WWOX: variants seen among roughly 807,000 people sequenced by gnomAD.
WWOX encodes WW domain containing oxidoreductase.
Under a neutral mutation model 46.2 loss-of-function variants are expected in WWOX, and 69 were observed. That is an observed-to-expected ratio of 1.49 (90% CI 1.23 to 1.82). The LOEUF is 1.82. WWOX is among the 40% of genes most tolerant of loss of function. The pLI, the probability that WWOX is intolerant of heterozygous loss-of-function variation, is 0.00. For synonymous variants in WWOX, 359 were observed against 202.6 expected (o/e 1.77, Z -6.56); for missense variants, 919 against 542.6 (o/e 1.69, Z -6.89).
intron 4 of WWOX, among the ~76,000 whole-genome samples, chr16:78,159,508 A>G (rs1310982696): frequency 6.6e-6 from 1 of 152,064 alleles, no homozygotes; most frequent in Non-Finnish European, 1.5e-5. Context: ...TCATTTTATG[A>G]TGAGAACCAC....
At chr16:78,528,148 G>C (rs1395605866) in intron 8 of WWOX, among the ~76,000 whole-genome samples, 26 of 136,546 alleles carry the variant, frequency 1.9e-4, no homozygotes, top group African/African-American at 7.0e-4. Context: ...ACAGGTGCCC[G>C]CCACCACACC....
intron 5 of WWOX, among the ~76,000 whole-genome samples, chr16:78,257,681 C>A (rs1384313291): frequency 7.4e-6 from 1 of 135,382 alleles, no homozygotes; most frequent in African/African-American, 2.8e-5. Flanking sequence ...CATTGGGAGG[C>A]TTAAAAAAAA....
rs572516882 is a variant in WWOX, at chr16:78,664,646, C to T, written c.1056+231894C>T. Reference sequence around the variant, plus strand: ...CTTTTCCAGATGAGCCCGGTGTATCCGTATCAGTGTGTCTAGGAAGACCAA... The same window carrying T: ...CTTTTCCAGATGAGCCCGGTGTATCTGTATCAGTGTGTCTAGGAAGACCAA... On this transcript the variant is annotated intron_variant, in intron 8 of 8. Transcript: ENST00000566780. Among the ~76,000 whole-genome samples, 662 of 152,208 alleles carry T rather than the reference C, an allele frequency of 4.3e-3. 1 individual carries two copies. Among genetic ancestry groups the T allele is most frequent in the Non-Finnish European group, 7.3e-3 (495 of 68,016 alleles).
chr16:78,824,007 C>G lies in WWOX; in HGVS notation c.1057-387601C>G, dbSNP rs77118125. 6.2e-3 allele frequency among the ~76,000 whole-genome samples: 936 copies of G among 152,158 alleles called. 4 individuals carry two copies. The highest frequency in any genetic ancestry group is 0.021 in the African/African-American group (884 of 41,510). On this transcript the variant is annotated intron_variant, in intron 8 of 8. Coordinates refer to ENST00000566780, the MANE Select transcript of WWOX (RefSeq NM_016373.4). ...CAGCCTGGTCTCAAACTTCTGGCCTCAAAGCAATCCTCCTGCCTTGATAGA... is the reference window on the plus strand; with the variant it reads ...CAGCCTGGTCTCAAACTTCTGGCCTGAAAGCAATCCTCCTGCCTTGATAGA...
At chr16:78,666,928 G>A (rs117852418) in intron 8 of WWOX, among the ~76,000 whole-genome samples, 103 of 152,326 alleles carry the variant, frequency 6.8e-4, no homozygotes, top group Non-Finnish European at 1.3e-3. Flanking sequence ...CACTGTTGAT[G>A]TCCAGGGGGT....
Position 78,739,813 on chromosome 16 carries a change from AAAAC to A in WWOX, c.1056+307081_1056+307084del, listed in dbSNP as rs373157935. On this transcript the variant is annotated intron_variant, in intron 8 of 8. Transcript: ENST00000566780. ...GCAACAGGGAGAGATTCCATCTCAAAAAACAAACAAACAAACAAACAAAAACCCC... is the reference window on the plus strand; with the variant it reads ...GCAACAGGGAGAGATTCCATCTCAAAAAACAAACAAACAAACAAAAACCCC... Among the ~76,000 whole-genome samples, 122 of 152,310 alleles carry A rather than the reference AAAAC, an allele frequency of 8.0e-4. 1 individual carries two copies. The East Asian group carries it at 8.7e-3, about 11-fold the overall frequency.
At chr16:78,156,107 C>A (rs1315816664) in intron 4 of WWOX, among the ~76,000 whole-genome samples, 1 of 152,102 alleles carries the variant, frequency 6.6e-6, no homozygotes, top group Non-Finnish European at 1.5e-5. Context: ...GATGTAAGAA[C>A]CAGAGTGTAA....
At chr16:78,123,883 C>T (rs1047235824) in intron 4 of WWOX, 3 of 151,982 alleles carry the variant, frequency 2.0e-5, no homozygotes, top group Non-Finnish European at 4.4e-5. Context: ...AAAACGTGTC[C>T]TTTTGGGCTC....
chr16:78,386,841 T>G lies in WWOX; in HGVS notation c.517-19T>G. The G allele has an allele frequency of 1.2e-6, 2 of 1,606,586 alleles. No homozygotes were observed. Among genetic ancestry groups the G allele is most frequent in the East Asian group, 2.2e-5 (1 of 44,868 alleles). On this transcript the variant is annotated intron_variant, in intron 5 of 8. Coordinates refer to ENST00000566780, the MANE Select transcript of WWOX (RefSeq NM_016373.4). Reference sequence around the variant, plus strand: ...ACTTGCTGTTATTTATCATTTCTTTTTATTTTCTCTCATTGCAGCATAAAG... The same window carrying G: ...ACTTGCTGTTATTTATCATTTCTTTGTATTTTCTCTCATTGCAGCATAAAG...
chr16:78,323,686 C>T (rs146138231), intron 5 of WWOX, among the ~76,000 whole-genome samples: 177 of 152,304 alleles, frequency 1.2e-3, no homozygotes, highest in African/African-American at 3.9e-3. Context: ...GATTCCCCAT[C>T]TCCTCTTCCT....
intron 5 of WWOX, among the ~76,000 whole-genome samples, chr16:78,295,225 G>C (rs982344350): frequency 1.3e-5 from 2 of 152,214 alleles, no homozygotes; most frequent in South Asian, 2.1e-4. Flanking sequence ...TTAGAGCAGA[G>C]AGAGTGGCGA....
At chr16:78,595,180 G>T (rs150944274) in intron 8 of WWOX, among the ~76,000 whole-genome samples, 1 of 152,222 alleles carries the variant, frequency 6.6e-6, no homozygotes, top group Non-Finnish European at 1.5e-5. Flanking sequence ...CTTCATTGCA[G>T]GCAGCTGCTG....
chr16:78,625,496 A>AT (rs1456429426), intron 8 of WWOX, among the ~76,000 whole-genome samples: 1 of 152,126 alleles, frequency 6.6e-6, no homozygotes, highest in African/African-American at 2.4e-5. Context: ...ACATCTTTAG[A>AT]TTTAAAGAAA....
intron 8 of WWOX, among the ~76,000 whole-genome samples, chr16:78,698,600 T>G (rs2048148408): frequency 6.6e-6 from 1 of 152,226 alleles, no homozygotes. Context: ...TTTCTAATAT[T>G]AATATCTTGC....
intron 8 of WWOX, among the ~76,000 whole-genome samples, chr16:78,845,664 G>C (rs1355526308): frequency 1.3e-5 from 2 of 152,212 alleles, no homozygotes; most frequent in African/African-American, 2.4e-5. Context: ...CTATGATTAA[G>C]TAAGTAATGG....
intron 8 of WWOX, chr16:78,496,476 G>T (rs926239695): frequency 2.0e-5 from 3 of 152,230 alleles, no homozygotes; most frequent in African/African-American, 4.8e-5. Context: ...TTAGCACGGG[G>T]TTGGCATTGC....
chr16:78,722,059 AG>A (rs1320317402), intron 8 of WWOX, among the ~76,000 whole-genome samples: 1 of 152,216 alleles, frequency 6.6e-6, no homozygotes, highest in Non-Finnish European at 1.5e-5. Flanking sequence ...TAAATCAAGA[AG>A]CTAAGACTTT....
chr16:79,131,752 C>T (rs112135115), intron 8 of WWOX, among the ~76,000 whole-genome samples: 2 of 152,052 alleles, frequency 1.3e-5, no homozygotes, highest in Non-Finnish European at 2.9e-5. Context: ...TTGTATTAGT[C>T]CATTTTCACA....
chr16:78,667,331 A>G (rs1456285232), intron 8 of WWOX, among the ~76,000 whole-genome samples: 2 of 152,204 alleles, frequency 1.3e-5, no homozygotes, highest in African/African-American at 2.4e-5. Context: ...TGAATGGGTT[A>G]TCTCAATATA....
Sources: gnomAD v4.1 joint callset for allele counts (sites outside exome capture counted in the v4.1 genomes callset) on GRCh38, gnomAD v4.1.1 for gene constraint, MANE v1.5 for transcripts, NCBI Gene and HGNC (gene_info 2026-07-23, HGNC 2026-07-21) for gene names.